UIMC1: variants seen among roughly 807,000 people sequenced by gnomAD.
UIMC1 encodes BRCA1-A complex subunit RAP80.
Under a neutral mutation model 84.9 loss-of-function variants are expected in UIMC1, and 42 were observed. The ratio of observed to expected loss-of-function variants is 0.49; its 90% CI spans 0.39 to 0.64. The LOEUF (loss-of-function observed/expected upper bound fraction) is 0.64. Ranked by LOEUF, UIMC1 falls within the 30% of genes least tolerant of loss-of-function variation. The probability of loss-of-function intolerance (pLI) is 0.00; values close to 1 mark genes in which losing one functional copy is unlikely to be tolerated. For synonymous variants in UIMC1, 281 were observed against 293.0 expected, an observed-to-expected ratio of 0.96 and a Z score of 0.42; for missense variants, 825 against 847.6, an observed-to-expected ratio of 0.97 and a Z score of 0.33.
chr5:177,019,003 A>C (rs1240458472), intron 1 of UIMC1, among the ~76,000 whole-genome samples: 1 of 152,186 alleles, frequency 6.6e-6, no homozygotes, highest in Non-Finnish European at 1.5e-5. Flanking sequence ...GCTATATGCA[A>C]GTGTAAGTAA....
intron 10 of UIMC1, among the ~76,000 whole-genome samples, chr5:176,914,084 C>CACCAT (rs1429863349): frequency 1.3e-4 from 19 of 149,834 alleles, no homozygotes; most frequent in South Asian, 4.2e-4. Flanking sequence ...CACCACACCA[C>CACCAT]ACCATACCAT....
At chr5:176,936,157 G>C (rs1300132689) in intron 10 of UIMC1, among the ~76,000 whole-genome samples, 2 of 152,136 alleles carry the variant, frequency 1.3e-5, no homozygotes, top group African/African-American at 4.8e-5. Context: ...ACACAGATAG[G>C]AAAGCACAGT....
rs371991490 is a variant in UIMC1, at chr5:176,905,272, C to T, written c.*10G>A. The T allele has an allele frequency of 6.2e-7, 1 of 1,613,162 alleles. No individual in the cohort carries two copies. The highest frequency in any genetic ancestry group is 8.5e-7 in the Non-Finnish European group (1 of 1,179,466). ...ACTAATGGTTTTGTCAACTTTTGGACCCTAGAAATTCAGAATTTTCTCCTT... is the reference window on the plus strand; with the variant it reads ...ACTAATGGTTTTGTCAACTTTTGGATCCTAGAAATTCAGAATTTTCTCCTT... On this transcript the variant is annotated 3_prime_UTR_variant, in exon 15 of 15. Transcript: ENST00000511320.
At chr5:176,905,709 G>A in intron 14 of UIMC1, 1 of 644,092 alleles carries the variant, frequency 1.6e-6, no homozygotes, top group South Asian at 2.1e-5. Context: ...TGAGAACTGA[G>A]ATCCAAATTC....
chr5:176,975,362 T>C, intron 3 of UIMC1, 34 bp downstream of exon 3: 1 of 1,604,616 alleles, frequency 6.2e-7, no homozygotes, highest in Non-Finnish European at 8.5e-7. Flanking sequence ...ACTATTACAA[T>C]TCCCAAACCA....
intron 10 of UIMC1, among the ~76,000 whole-genome samples, chr5:176,939,606 T>C (rs1222188433): frequency 9.2e-5 from 14 of 152,214 alleles, no homozygotes; most frequent in Admixed American, 9.2e-4. Flanking sequence ...CAATAGGCTA[T>C]ACCTTATAGC....
intron 10 of UIMC1, among the ~76,000 whole-genome samples, chr5:176,923,496 G>C (rs1761956397): frequency 6.6e-6 from 1 of 151,954 alleles, no homozygotes; most frequent in South Asian, 2.1e-4. Flanking sequence ...GCTGCAGTGA[G>C]CTGAGACAGT....
intron 8 of UIMC1, among the ~76,000 whole-genome samples, chr5:176,952,544 A>G (rs1249843493): frequency 2.0e-5 from 3 of 152,224 alleles, no homozygotes; most frequent in East Asian, 3.8e-4. Context: ...TGTACTGTCT[A>G]TGGCTGTTTT....
At chr5:176,922,765 C>T (rs1044917778) in intron 10 of UIMC1, among the ~76,000 whole-genome samples, 1 of 152,094 alleles carries the variant, frequency 6.6e-6, no homozygotes, top group Non-Finnish European at 1.5e-5. Flanking sequence ...TTAAGTTCTA[C>T]GTATATATTA....
chr5:176,963,587 A>G (rs1014702470), intron 6 of UIMC1, among the ~76,000 whole-genome samples: 2 of 151,824 alleles, frequency 1.3e-5, no homozygotes, highest in Admixed American at 1.3e-4. Flanking sequence ...AATGTCCTCT[A>G]TTGTGTGACA....
intron 2 of UIMC1, among the ~76,000 whole-genome samples, chr5:176,977,076 T>C (rs769270389): frequency 1.6e-4 from 24 of 151,646 alleles, no homozygotes; most frequent in Non-Finnish European, 2.9e-4. Flanking sequence ...TACAAAAATT[T>C]GCCAGGCGTG....
intron 1 of UIMC1, among the ~76,000 whole-genome samples, chr5:176,999,750 T>C (rs1774172973): frequency 6.6e-6 from 1 of 152,230 alleles, no homozygotes; most frequent in Non-Finnish European, 1.5e-5. Flanking sequence ...TTTTTATGGC[T>C]GAATAGTACT....
intron 1 of UIMC1, among the ~76,000 whole-genome samples, chr5:176,990,459 T>C (rs1463932175): frequency 6.6e-6 from 1 of 152,136 alleles, no homozygotes; most frequent in Non-Finnish European, 1.5e-5. Flanking sequence ...GATATTCTGT[T>C]ATAGCAGCAG....
chr5:176,985,947 G>A (rs1468471912), intron 1 of UIMC1, among the ~76,000 whole-genome samples: 5 of 152,116 alleles, frequency 3.3e-5, no homozygotes, highest in Admixed American at 6.6e-5. Flanking sequence ...TCGACAAGGA[G>A]CAAGACAAGA....
chr5:176,961,156 G>A (rs545915204), intron 6 of UIMC1, among the ~76,000 whole-genome samples: 1 of 74,640 alleles, frequency 1.3e-5, no homozygotes, highest in South Asian at 4.4e-4. Context: ...GAGCGTCTCC[G>A]CCCGGCCGCC....
chr5:176,946,460 C>T (rs1423905927), intron 9 of UIMC1, among the ~76,000 whole-genome samples: 5 of 151,894 alleles, frequency 3.3e-5, no homozygotes, highest in South Asian at 2.1e-4. Flanking sequence ...TGCAGTGAGC[C>T]GAGATCCCGC....
intron 3 of UIMC1, among the ~76,000 whole-genome samples, chr5:176,972,812 C>T (rs1004029488): frequency 6.6e-6 from 1 of 151,988 alleles, no homozygotes; most frequent in Non-Finnish European, 1.5e-5. Context: ...CAACAATTAA[C>T]AATACCGACA....
At chr5:176,907,205 G>T (rs754716030) in intron 12 of UIMC1, 28 bp from the exon 13 acceptor site, 18 of 1,597,578 alleles carry the variant, frequency 1.1e-5, no homozygotes. Context: ...AGATGAAAAG[G>T]TTACTTCATG....
At chr5:176,995,878 G>C (rs1773541552) in intron 1 of UIMC1, among the ~76,000 whole-genome samples, 1 of 150,138 alleles carries the variant, frequency 6.7e-6, no homozygotes, top group African/African-American at 2.4e-5. Context: ...ATATAAAGTG[G>C]TACATCCACT....
Sources: allele counts gnomAD v4.1 joint callset (sites outside exome capture counted in the v4.1 genomes callset), GRCh38; gene constraint gnomAD v4.1.1; transcripts MANE v1.5; gene names NCBI Gene and HGNC (gene_info 2026-07-23, HGNC 2026-07-21).